Variants in FEZ1 observed in about 807,000 individuals in gnomAD.
The protein encoded by FEZ1 is fasciculation and elongation protein zeta 1.
FEZ1 carries 20 observed loss-of-function variants against 49.3 expected under a neutral mutation model. That is an observed-to-expected ratio of 0.41 (90% confidence interval 0.29 to 0.59). FEZ1 has a LOEUF of 0.59. Among genes scored for constraint, FEZ1 ranks in the 20% least tolerant of loss-of-function variants. The pLI, the probability that FEZ1 is intolerant of heterozygous loss-of-function variation, is 0.36. For synonymous variants in FEZ1, 170 were observed against 180.9 expected (o/e 0.94, Z 0.48); for missense variants, 413 against 476.0 (o/e 0.87, Z 1.23).
Position 125,495,622 on chromosome 11 carries a change from T to G in FEZ1, c.-46+499A>C. On this transcript the variant is annotated intron_variant, in intron 1 of 9. Transcript: ENST00000278919. This position sits in a 1 kb window ranked among gnomAD's most constrained non-coding sequence, Gnocchi z 4.2. ...GGCACGAGCGGGGTCGGGGGTAAGT[T>G]TTTAGGGACAAAGATGATCTTGGGG... 1 of 462,232 alleles carries G rather than the reference T, an allele frequency of 2.2e-6. No homozygotes were observed. Among genetic ancestry groups the G allele is most frequent in the South Asian group, 1.6e-5 (1 of 63,792 alleles). The allele number at this position is 462,232 out of a possible 1,614,324, so 28.6% of individuals were successfully genotyped here. A position where few individuals can be genotyped will look rare whatever the true frequency, so the allele number is the denominator to read the frequency against.
chr11:125,455,571 G>C, intron 6 of FEZ1: 1 of 513,248 alleles, frequency 1.9e-6, no homozygotes, highest in South Asian at 2.5e-5. Context: ...CTTTCTTTAA[G>C]GTCTTGCCTA....
intron 2 of FEZ1, among the ~76,000 whole-genome samples, chr11:125,483,475 A>G (rs1261447619): frequency 6.6e-6 from 1 of 152,214 alleles, no homozygotes; most frequent in East Asian, 1.9e-4. Context: ...CATGGGTGAT[A>G]CCCTAATCTC....
intron 3 of FEZ1, among the ~76,000 whole-genome samples, chr11:125,477,486 CAG>C (rs984838454): frequency 1.3e-5 from 2 of 152,088 alleles, no homozygotes; most frequent in African/African-American, 4.8e-5. Context: ...GCCTGAGTGA[CAG>C]AGTGTGACTC....
At position 125,495,092 on chromosome 11, in the gene FEZ1, A is replaced by T. The variant is rs2135798759; in HGVS notation, c.-46+1029T>A. On this transcript the variant is annotated intron_variant, in intron 1 of 9. Coordinates refer to ENST00000278919, the MANE Select transcript of FEZ1 (RefSeq NM_005103.5). The surrounding 1 kb of genome is among the most constrained non-coding windows in gnomAD (Gnocchi z 4.2). ...AGAAAAAGTATTTCGTTGCATATGG[A>T]TCAGCAACCCCTTCGCGGTTCTGCT... 5.9e-6 allele frequency: 2 copies of T among 341,064 alleles called. No homozygotes were observed. The highest frequency in any genetic ancestry group is 4.5e-5 in the South Asian group (2 of 44,790). 21.1% of individuals were successfully genotyped at this position (341,064 alleles called of 1,614,324 possible). A position where few individuals can be genotyped will look rare whatever the true frequency, so the allele number is the denominator to read the frequency against.
intron 8 of FEZ1, chr11:125,451,661 G>A (rs1355094987): frequency 6.6e-6 from 1 of 152,268 alleles, no homozygotes; most frequent in South Asian, 2.1e-4. Context: ...GGGCCAAGCT[G>A]ACACTGATGG....
At chr11:125,447,924 G>A (rs752913896) in intron 9 of FEZ1, among the ~76,000 whole-genome samples, 12 of 152,016 alleles carry the variant, frequency 7.9e-5, no homozygotes, top group East Asian at 1.9e-4. Context: ...AATGCATACC[G>A]AAATAGTTAT....
At chr11:125,492,018 TTTAA>T (rs1423867232) in intron 1 of FEZ1, among the ~76,000 whole-genome samples, 11 of 152,364 alleles carry the variant, frequency 7.2e-5, no homozygotes, top group Admixed American at 2.6e-4. Flanking sequence ...AAATCAATAA[TTTAA>T]TTAATCATTT....
chr11:125,449,743 G>A (rs1956936397), intron 8 of FEZ1, among the ~76,000 whole-genome samples: 1 of 152,172 alleles, frequency 6.6e-6, no homozygotes, highest in Non-Finnish European at 1.5e-5. Context: ...AGGGTCAGAA[G>A]GCAGCTGCAA....
At chr11:125,452,563 C>A (rs2135739321) in intron 7 of FEZ1, 154 bp from the exon 8 acceptor site, 1 of 583,642 alleles carries the variant, frequency 1.7e-6, no homozygotes, top group East Asian at 2.9e-5. Flanking sequence ...CTTCTTACCC[C>A]TCTTTAGGGA....
intron 4 of FEZ1, 187 bp downstream of exon 4, chr11:125,463,297 C>G: frequency 4.5e-6 from 2 of 442,514 alleles, no homozygotes; most frequent in South Asian, 2.7e-5. Context: ...CAGAGCAAGA[C>G]TCTGTCTCAA....
chr11:125,466,089 G>T (rs1476811894), intron 3 of FEZ1, among the ~76,000 whole-genome samples: 3 of 152,220 alleles, frequency 2.0e-5, no homozygotes, highest in Non-Finnish European at 4.4e-5. Flanking sequence ...TATCACGGTA[G>T]AGAGTTCCTT....
At chr11:125,452,452 T>TGA (rs1264027758) in intron 7 of FEZ1, 43 bp from the exon 8 acceptor site, 3 of 1,305,286 alleles carry the variant, frequency 2.3e-6, no homozygotes, top group Non-Finnish European at 3.3e-6. Context: ...ACAGAAGACA[T>TGA]GCTTCCTCTG....
intron 8 of FEZ1, among the ~76,000 whole-genome samples, chr11:125,450,528 G>A (rs1565530609): frequency 6.6e-6 from 1 of 152,208 alleles, no homozygotes. Flanking sequence ...GCAGGAGCTG[G>A]TCTTTGGCCT....
rs1272742337 is a variant in FEZ1 at position 125,495,839 on chromosome 11, G to T, written c.-46+282C>A. The T allele has an allele frequency of 6.4e-6, 2 of 310,258 alleles. No individual in the cohort carries two copies. Among genetic ancestry groups the T allele is most frequent in the Non-Finnish European group, 1.2e-5 (2 of 160,966 alleles). The allele number at this position is 310,258 out of a possible 1,614,324, so 19.2% of individuals were successfully genotyped here. A position where few individuals can be genotyped will look rare whatever the true frequency, so the allele number is the denominator to read the frequency against. ...ACACACACACACACACACACACCAG[G>T]CCTGGCTGGAGGGCCGATGCTGAGA... On this transcript the variant is annotated intron_variant, in intron 1 of 9. Coordinates refer to ENST00000278919, the MANE Select transcript of FEZ1 (RefSeq NM_005103.5). This position sits in a 1 kb window ranked among gnomAD's most constrained non-coding sequence, Gnocchi z 4.2.
Position 125,485,960 on chromosome 11 carries a change from T to C in FEZ1, c.311+3507A>G, listed in dbSNP as rs577680050. Among the ~76,000 whole-genome samples the C allele has an allele frequency of 2.0e-5, 3 of 152,194 alleles. No homozygotes were observed. In the South Asian group the frequency reaches 6.2e-4, roughly 32 times the overall value. Reference sequence around the variant, plus strand: ...GACTCTGTCTCAAAAAGAAAGAAAGTAGAAATTATTAGCAGCACATTAATG... The same window carrying C: ...GACTCTGTCTCAAAAAGAAAGAAAGCAGAAATTATTAGCAGCACATTAATG... On this transcript the variant is annotated intron_variant, in intron 2 of 9. Transcript: ENST00000278919.
chr11:125,449,430 AAAAAAAAAAAAAAG>A (rs1956930881), intron 8 of FEZ1, among the ~76,000 whole-genome samples: 1 of 148,052 alleles, frequency 6.8e-6, no homozygotes, highest in African/African-American at 2.5e-5. Context: ...AAAAAAAAAA[AAAAAAAAAAAAAAG>A]AAGAAGAGGA....
intron 5 of FEZ1, among the ~76,000 whole-genome samples, chr11:125,457,425 A>ATATAT (rs1313675429): frequency 2.7e-4 from 9 of 32,906 alleles, no homozygotes; most frequent in African/African-American, 1.0e-3. Context: ...AAAAAAAAAA[A>ATATAT]AAAAATATAT....
chr11:125,473,528 T>C (rs1745192914), intron 3 of FEZ1, among the ~76,000 whole-genome samples: 1 of 151,966 alleles, frequency 6.6e-6, no homozygotes, highest in South Asian at 2.1e-4. Context: ...TATACAAAAC[T>C]AATTTGAAGG....
At chr11:125,459,844 C>A (rs1393753717) in intron 5 of FEZ1, among the ~76,000 whole-genome samples, 7 of 152,192 alleles carry the variant, frequency 4.6e-5, no homozygotes, top group Admixed American at 4.6e-4. Context: ...CACTTGTAAT[C>A]CCAGCACTTT....
Sources: allele counts gnomAD v4.1 joint callset (sites outside exome capture counted in the v4.1 genomes callset), GRCh38; gene constraint gnomAD v4.1.1; non-coding constraint Gnocchi (gnomAD v3.1); transcripts MANE v1.5; gene names NCBI Gene and HGNC (gene_info 2026-07-23, HGNC 2026-07-21).